SPANXN3: variants seen among roughly 807,000 people sequenced by gnomAD.
SPANXN3 encodes the protein SPANX family member N3.
Under a neutral mutation model 1.9 loss-of-function variants are expected in SPANXN3, and 1 was observed. The observed-to-expected ratio is 0.54, with a 90% CI of 0.19 to 2.54. The LOEUF (loss-of-function observed/expected upper bound fraction) is 2.54. Among genes scored for constraint, SPANXN3 ranks in the 30% most tolerant of loss-of-function variants. The probability of loss-of-function intolerance (pLI) is 0.24; values close to 1 mark genes in which losing one functional copy is unlikely to be tolerated. For missense variants in SPANXN3, 113 were observed against 96.2 expected, an observed-to-expected ratio of 1.17 and a Z score of -0.73; for synonymous variants, 47 against 40.0, an observed-to-expected ratio of 1.17 and a Z score of -0.66.
Position 143,510,673 on chromosome X carries a change from T to A in SPANXN3, c.79-1511A>T, listed in dbSNP as rs1415749423. On this transcript the variant is annotated intron_variant, in intron 1 of 1. Coordinates refer to ENST00000370503, the MANE Select transcript of SPANXN3 (RefSeq NM_001009609.4). Reference sequence around the variant, plus strand: ...CATGCCTCACTCACTCTCCTGCCAATCTTGTTCACCTTTTCAAATCTTCCT... The same window carrying A: ...CATGCCTCACTCACTCTCCTGCCAAACTTGTTCACCTTTTCAAATCTTCCT... Among the ~76,000 whole-genome samples, 3 of 111,816 alleles carry A rather than the reference T, an allele frequency of 2.7e-5. No individual in the cohort carries two copies. The East Asian group carries it at 8.5e-4, about 32-fold the overall frequency.
chrX:143,511,522 A>AC (rs1929091055), intron 1 of SPANXN3, among the ~76,000 whole-genome samples: 1 of 111,583 alleles, frequency 9.0e-6, no homozygotes, highest in African/African-American at 3.3e-5. Context: ...CTCCAAAGAG[A>AC]CTTAATCAAA....
Position 143,508,828 on chromosome X carries a change from C to T in SPANXN3, c.413G>A (p.Ser138Asn), listed in dbSNP as rs782224423. Residue 138 changes from serine to asparagine, a missense_variant, in exon 2 of 2, where the codon AGT (serine) becomes AAT (asparagine). Physicochemically the swap from Ser to Asn is conservative, Grantham distance 46 (BLOSUM62 1). Coordinates refer to ENST00000370503, the MANE Select transcript of SPANXN3 (RefSeq NM_001009609.4). ...CTCCATGTGTGACTAATCCTCCCCA[C>T]TGTCCTGTGAAGATCCTTCAGATAA... The part of the protein sequence containing the change: ...LGLSEGSSQD[S>N]GED The T allele has an allele frequency of 8.3e-7, 1 of 1,207,014 alleles. No individual in the cohort carries two copies. The highest frequency in any genetic ancestry group is 1.1e-6 in the Non-Finnish European group (1 of 892,887).
intron 1 of SPANXN3, among the ~76,000 whole-genome samples, chrX:143,514,693 C>T (rs1162505931): frequency 1.8e-5 from 2 of 111,349 alleles, no homozygotes; most frequent in South Asian, 3.9e-4. Context: ...TATTATCCAC[C>T]GGTTTAAACT....
rs782079239 is a variant in SPANXN3, at chrX:143,509,904, C to T, written c.79-742G>A. ...AAAACCTAACACTTTGGTGCCAAAA[C>T]CCAGGACGGTGATTGGGTTCTAATG... On this transcript the variant is annotated intron_variant, in intron 1 of 1. Coordinates refer to ENST00000370503, the MANE Select transcript of SPANXN3 (RefSeq NM_001009609.4). 4.1e-3 allele frequency among the ~76,000 whole-genome samples: 455 copies of T among 111,096 alleles called. 2 individuals carry two copies. Among genetic ancestry groups the T allele is most frequent in the South Asian group, 8.1e-3 (21 of 2,598 alleles).
At chrX:143,516,087 G>A (rs1334889501) in intron 1 of SPANXN3, among the ~76,000 whole-genome samples, 3 of 111,632 alleles carry the variant, frequency 2.7e-5, no homozygotes, top group Non-Finnish European at 5.6e-5. Flanking sequence ...GGCTACAATG[G>A]CTATTAGTTA....
At position 143,512,849 on chromosome X, in the gene SPANXN3, C is replaced by T. The variant is rs782477237; in HGVS notation, c.79-3687G>A. 5.4e-5 allele frequency among the ~76,000 whole-genome samples: 6 copies of T among 111,111 alleles called. No homozygotes were observed. In the East Asian group the frequency reaches 1.1e-3, roughly 21 times the overall value. On this transcript the variant is annotated intron_variant, in intron 1 of 1. Coordinates refer to ENST00000370503, the MANE Select transcript of SPANXN3 (RefSeq NM_001009609.4). ...TAGCACCCTCCTGCAACATGTCAAA[C>T]TCCTTCTCTGTAGCCCCTTCCTTAA...
intron 1 of SPANXN3, among the ~76,000 whole-genome samples, chrX:143,516,988 G>A (rs1178524140): frequency 8.9e-6 from 1 of 111,872 alleles, no homozygotes; most frequent in Non-Finnish European, 1.9e-5. Context: ...ACGGACAAAG[G>A]TCCAACTAAA....
At position 143,517,310 on chromosome X, in the gene SPANXN3, T is replaced by A; in HGVS notation, c.78+4A>T. On this transcript the variant is annotated splice_donor_region_variant and intron_variant, in intron 1 of 1. Coordinates refer to ENST00000370503, the MANE Select transcript of SPANXN3 (RefSeq NM_001009609.4). ...ACCTTCCCTTCAAAACCTGACAATC[T>A]TACCTCATCATTTTTTTTGTTATTG... 8.3e-7 allele frequency: 1 copy of A among 1,209,917 alleles called. No individual in the cohort carries two copies. Among genetic ancestry groups the A allele is most frequent in the Non-Finnish European group, 1.1e-6 (1 of 894,246 alleles).
At chrX:143,517,178 G>T (rs1929238670) in intron 1 of SPANXN3, 136 bp downstream of exon 1, 2 of 755,788 alleles carry the variant, frequency 2.6e-6, no homozygotes, top group Non-Finnish European at 3.9e-6. Flanking sequence ...CCTGTAAGCA[G>T]CGGTGGGCTC....
intron 1 of SPANXN3, among the ~76,000 whole-genome samples, chrX:143,516,309 C>A (rs1229353486): frequency 1.8e-5 from 2 of 112,452 alleles, no homozygotes; most frequent in Admixed American, 1.9e-4. Flanking sequence ...TCTGTCCACC[C>A]CCAGTGTCTT....
intron 1 of SPANXN3, among the ~76,000 whole-genome samples, chrX:143,510,532 A>G (rs1329898996): frequency 2.7e-5 from 3 of 111,496 alleles, no homozygotes; most frequent in African/African-American, 9.8e-5. Flanking sequence ...TCCCATCCAG[A>G]GTATTCACTC....
intron 1 of SPANXN3, among the ~76,000 whole-genome samples, chrX:143,515,218 G>A (rs1186108494): frequency 3.6e-5 from 4 of 110,539 alleles, no homozygotes; most frequent in East Asian, 5.7e-4. Context: ...TAACTACTCC[G>A]ACTGGGGCAA....
chrX:143,513,879 C>T (rs1349676233), intron 1 of SPANXN3, among the ~76,000 whole-genome samples: 3 of 112,340 alleles, frequency 2.7e-5, no homozygotes, highest in East Asian at 2.8e-4. Flanking sequence ...CCCCATGCTA[C>T]CTCTCAACAG....
In SPANXN3 at chrX:143,517,295, C is replaced by A; in HGVS notation, c.78+19G>T. ...CTTTCTTTCACCCTCACCTTCCCTT[C>A]AAAACCTGACAATCTTACCTCATCA... On this transcript the variant is annotated intron_variant, in intron 1 of 1. Coordinates refer to ENST00000370503, the MANE Select transcript of SPANXN3 (RefSeq NM_001009609.4). 1 of 1,207,613 alleles carries A rather than the reference C, an allele frequency of 8.3e-7. No individual in the cohort carries two copies. Among genetic ancestry groups the A allele is most frequent in the Non-Finnish European group, 1.1e-6 (1 of 892,772 alleles).
chrX:143,516,017 G>C (rs1357447350), intron 1 of SPANXN3, among the ~76,000 whole-genome samples: 1 of 111,060 alleles, frequency 9.0e-6, no homozygotes, highest in Non-Finnish European at 1.9e-5. Flanking sequence ...AAGGGCGCTC[G>C]CTGGAAAACA....
At position 143,517,342 on chromosome X, in the gene SPANXN3, C is replaced by T. The variant is rs782599252; in HGVS notation, c.50G>A (p.Cys17Tyr). 1 of 1,211,330 alleles carries T rather than the reference C, an allele frequency of 8.3e-7. No individual in the cohort carries two copies. The highest frequency in any genetic ancestry group is 1.8e-5 in the South Asian group (1 of 56,904). Residue 17 changes from cysteine (C) to tyrosine (Y), a missense_variant, in exon 1 of 2, where the codon TGT (cysteine) becomes TAT (tyrosine). Coordinates refer to ENST00000370503, the MANE Select transcript of SPANXN3 (RefSeq NM_001009609.4). ...ATCATTTTTTTTGTTATTGGATTCA[C>T]AGGGGCTCTTCGTCTTCTCCCCATT... ...STNGEKTKSP[C>Y]ESNNKKNDEM...
At chrX:143,512,930 C>T (rs1262120959) in intron 1 of SPANXN3, among the ~76,000 whole-genome samples, 1 of 111,564 alleles carries the variant, frequency 9.0e-6, no homozygotes, top group Non-Finnish European at 1.9e-5. Context: ...TAGAGGAAAT[C>T]TCAGGTAGCC....
At chrX:143,512,633 C>T (rs1400405890) in intron 1 of SPANXN3, among the ~76,000 whole-genome samples, 1 of 111,527 alleles carries the variant, frequency 9.0e-6, no homozygotes, top group African/African-American at 3.3e-5. Context: ...TGTATTGGAA[C>T]TGAAAGATGC....
chrX:143,516,590 C>T (rs1277431756), intron 1 of SPANXN3: 2 of 111,830 alleles, frequency 1.8e-5, no homozygotes, highest in African/African-American at 3.3e-5. Context: ...CCTCCTAATA[C>T]TACAATTGGC....
Sources: gnomAD v4.1 joint callset for allele counts (sites outside exome capture counted in the v4.1 genomes callset) on GRCh38, gnomAD v4.1.1 for gene constraint, MANE v1.5 for transcripts, NCBI Gene and HGNC (gene_info 2026-07-23, HGNC 2026-07-21) for gene names.